The following CMYA5 variants were observed in gnomAD, a reference collection of about 807,000 sequenced individuals.
CMYA5 encodes the protein cardiomyopathy associated 5, also known as cardiomyopathy-associated protein 5.
CMYA5 carries 246 observed loss-of-function variants against 318.9 expected under a neutral mutation model. The ratio of observed to expected loss-of-function variants is 0.77; its 90% confidence interval spans 0.70 to 0.86. CMYA5 has a LOEUF of 0.86. Among genes scored for constraint, CMYA5 ranks in the 40% least tolerant of loss-of-function variants. CMYA5 has a pLI of 0.00. For synonymous variants in CMYA5, 1,641 were observed against 1,729.5 expected (o/e 0.95, Z 1.27); for missense variants, 4,589 against 4,678.2 (o/e 0.98, Z 0.56).
Position 79,735,986 on chromosome 5 carries a change from A to C in CMYA5, c.7221A>C (p.Pro2407=). 6.2e-7 allele frequency: 1 copy of C among 1,613,322 alleles called. No individual in the cohort carries two copies. Among genetic ancestry groups the C allele is most frequent in the Non-Finnish European group, 8.5e-7 (1 of 1,179,680 alleles). The change falls in exon 2 of 13, where the codon CCA becomes CCC. Residue 2407 remains proline, a synonymous_variant. Coordinates refer to ENST00000446378, the MANE Select transcript of CMYA5 (RefSeq NM_153610.5). ...SKNITKESEK[P]ESIILPVEES... ...ATATCACAAAGGAATCAGAGAAACC[A>C]GAGTCAATTATTTTGCCAGTAGAAG...
chr5:79,753,777 A>G (rs1221374799), intron 6 of CMYA5, among the ~76,000 whole-genome samples: 1 of 152,156 alleles, frequency 6.6e-6, no homozygotes, highest in Non-Finnish European at 1.5e-5. Flanking sequence ...CCAAAACCCC[A>G]CCAGCCCTTT....
intron 3 of CMYA5, 129 bp from the exon 4 acceptor site, chr5:79,745,093 T>C (rs1828290636): frequency 1.6e-6 from 1 of 636,638 alleles, no homozygotes; most frequent in South Asian, 2.0e-5. Context: ...GAACTGTGCA[T>C]GTGATGTCTG....
rs1297988995 is a variant in CMYA5, at chr5:79,734,857, C to A, written c.6092C>A (p.Pro2031His). The change falls in exon 2 of 13, where the codon CCT becomes CAT. Residue 2031 changes from proline (P) to histidine (H), a missense_variant. Pro to His is a moderately conservative substitution (Grantham distance 77, BLOSUM62 -2). This residue lies in a region of CMYA5 where 2,431 missense variants were observed against 2,495.1 expected (regional missense o/e 0.97). Coordinates refer to ENST00000446378, the MANE Select transcript of CMYA5 (RefSeq NM_153610.5). ...LEKANTELSW[P>H]SKEDSQEKIK... ...AAAGCAAACACAGAGCTTTCCTGGC[C>A]TTCCAAAGAAGATAGCCAGGAAAAA... is the stretch of plus-strand genomic sequence containing the variant. 12 of 1,613,648 alleles carry A rather than the reference C, an allele frequency of 7.4e-6. No homozygotes were observed. The South Asian group carries it at 1.3e-4, about 18-fold the overall frequency.
intron 1 of CMYA5, among the ~76,000 whole-genome samples, chr5:79,722,157 T>A (rs907937495): frequency 6.6e-6 from 1 of 152,132 alleles, no homozygotes; most frequent in Non-Finnish European, 1.5e-5. Flanking sequence ...AACAAAAAGA[T>A]AACTAGGAAA....
intron 9 of CMYA5, 67 bp downstream of exon 9, chr5:79,763,276 C>G: frequency 7.4e-7 from 1 of 1,354,332 alleles, no homozygotes; most frequent in Non-Finnish European, 9.9e-7. Flanking sequence ...TCCTAAACTA[C>G]CCTCTAACTT....
rs865835624 is a variant in CMYA5 at position 79,742,036 on chromosome 5, T to G, written c.10639-1791T>G. Among the ~76,000 whole-genome samples the G allele has an allele frequency of 9.4e-5, 14 of 148,400 alleles. 1 individual carries two copies. The highest frequency in any genetic ancestry group is 6.6e-4 in the South Asian group (3 of 4,512). ...CCTTTCTCCTCCTTCCTCCTCCTCC[T>G]CCCTCTTTCTCCTCTTCTTCTTCTT... On this transcript the variant is annotated intron_variant, in intron 2 of 12. Coordinates refer to ENST00000446378, the MANE Select transcript of CMYA5 (RefSeq NM_153610.5).
chr5:79,762,089 C>T (rs530176238), intron 8 of CMYA5, 132 bp downstream of exon 8: 15 of 1,020,782 alleles, frequency 1.5e-5, no homozygotes, highest in East Asian at 1.1e-4. Flanking sequence ...GGTTATACAA[C>T]GATGACTTAA....
At chr5:79,792,584 A>G (rs1330698301) in intron 11 of CMYA5, among the ~76,000 whole-genome samples, 1 of 152,206 alleles carries the variant, frequency 6.6e-6, no homozygotes, top group African/African-American at 2.4e-5. Context: ...AAGACATGAA[A>G]AGTGGAATAC....
chr5:79,739,469 T>G, intron 2 of CMYA5, 66 bp downstream of exon 2: 3 of 1,190,184 alleles, frequency 2.5e-6, no homozygotes, highest in Non-Finnish European at 3.3e-6. Flanking sequence ...CTTTTACATT[T>G]TCTCAATTTT....
intron 1 of CMYA5, among the ~76,000 whole-genome samples, chr5:79,702,399 A>G (rs990768735): frequency 6.6e-6 from 1 of 152,202 alleles, no homozygotes; most frequent in Admixed American, 6.5e-5. Context: ...AAAAAGGGTT[A>G]TATTCATACA....
chr5:79,728,210 G>A (rs1324771930), intron 1 of CMYA5, among the ~76,000 whole-genome samples: 6 of 152,032 alleles, frequency 3.9e-5, no homozygotes, highest in African/African-American at 9.7e-5. Context: ...TCTATTTGCC[G>A]AACAGTGAAT....
rs1327396628 is a variant in CMYA5 at position 79,745,222 on chromosome 5, G to A, written c.10735G>A (p.Glu3579Lys). ...EIESFFNTIE[E>K]NCSKNEKRLE... ...GGCTTTTTTGCTTGTTTGTTTTCAG[G>A]AAAACTGTAGTAAAAATGAGAAAAG... The change falls in exon 4 of 13, where the codon GAA becomes AAA. Residue 3579 changes from glutamate (E) to lysine (K), a missense_variant and splice_region_variant. Glu to Lys is a moderately conservative substitution (Grantham distance 56). Coordinates refer to ENST00000446378, the MANE Select transcript of CMYA5 (RefSeq NM_153610.5). 6.4e-7 allele frequency: 1 copy of A among 1,556,314 alleles called. No individual in the cohort carries two copies. The highest frequency in any genetic ancestry group is 1.2e-5 in the South Asian group (1 of 83,252).
chr5:79,700,583 C>T (rs1355244566), intron 1 of CMYA5, among the ~76,000 whole-genome samples: 1 of 152,078 alleles, frequency 6.6e-6, no homozygotes, highest in African/African-American at 2.4e-5. Context: ...ATACAGATGT[C>T]CAGTGAGCAC....
At chr5:79,696,672 T>G (rs1200219683) in intron 1 of CMYA5, among the ~76,000 whole-genome samples, 3 of 152,188 alleles carry the variant, frequency 2.0e-5, no homozygotes, top group Admixed American at 2.0e-4. Context: ...GCACTTAAAT[T>G]GTTGGTTTAT....
chr5:79,749,349 T>C (rs989167176), intron 5 of CMYA5, among the ~76,000 whole-genome samples: 10 of 152,208 alleles, frequency 6.6e-5, no homozygotes, highest in African/African-American at 1.7e-4. Context: ...GCTTTCCATG[T>C]CCTCAAGAAA....
chr5:79,704,105 A>G (rs1179149411), intron 1 of CMYA5, among the ~76,000 whole-genome samples: 1 of 152,140 alleles, frequency 6.6e-6, no homozygotes, highest in Non-Finnish European at 1.5e-5. Flanking sequence ...AAAATTCTAA[A>G]TGTACATCTG....
chr5:79,721,007 T>A (rs1240237648), intron 1 of CMYA5, among the ~76,000 whole-genome samples: 1 of 151,986 alleles, frequency 6.6e-6, no homozygotes, highest in Non-Finnish European at 1.5e-5. Flanking sequence ...TGAAAATACA[T>A]AAGGACGTGT....
intron 6 of CMYA5, among the ~76,000 whole-genome samples, chr5:79,758,425 G>A (rs2151094006): frequency 6.6e-6 from 1 of 150,514 alleles, no homozygotes; most frequent in African/African-American, 2.4e-5. Flanking sequence ...CCAGCAACTT[G>A]GGAGGCTGAG....
rs1828455293 is a variant in CMYA5, at chr5:79,752,784, A to G, written c.11100A>G (p.Lys3700=). Residue 3700 remains lysine (K), a synonymous_variant, in exon 6 of 13, where the codon AAA becomes AAG. Transcript: ENST00000446378. ...DSSARSDQML[K]QVAVPQPPRL... is the part of the protein sequence containing the mutation. ...CGGCAAGAAGTGACCAGATGTTAAA[A>G]CAAGTGGCTGGTAAGCATTTTAATA... 1 of 1,612,006 alleles carries G rather than the reference A, an allele frequency of 6.2e-7. No homozygotes were observed. Among genetic ancestry groups the G allele is most frequent in the East Asian group, 2.2e-5 (1 of 44,854 alleles).
Sources: allele counts gnomAD v4.1 joint callset (sites outside exome capture counted in the v4.1 genomes callset), GRCh38; gene constraint gnomAD v4.1.1; regional missense constraint gnomAD v4.1.1; transcripts MANE v1.5; gene names NCBI Gene and HGNC (gene_info 2026-07-23, HGNC 2026-07-21).